Variants in PSD3 observed in about 807,000 individuals in gnomAD.
The protein encoded by PSD3 is pleckstrin and Sec7 domain containing 3.
In PSD3, 49 loss-of-function variants were observed where a neutral mutation model predicts 105.5. The ratio of observed to expected loss-of-function variants is 0.46; its 90% confidence interval spans 0.37 to 0.59. The LOEUF (loss-of-function observed/expected upper bound fraction) is 0.59, where lower values mean the gene tolerates loss of function less well. Among genes scored for constraint, PSD3 ranks in the 20% least tolerant of loss-of-function variants. The pLI, the probability that PSD3 is intolerant of heterozygous loss-of-function variation, is 0.00. For synonymous variants in PSD3, 557 were observed against 457.8 expected (o/e 1.22, Z -2.77); for missense variants, 1,561 against 1,263.8 (o/e 1.24, Z -3.57).
chr8:19,084,167 C>A (rs562615352), intron 1 of PSD3: 1 of 412,072 alleles, frequency 2.4e-6, no homozygotes, highest in Admixed American at 2.6e-5. Context: ...CCCCTGGCTC[C>A]CTTTCTTCTG....
chr8:18,955,049 T>C (rs59787157), intron 1 of PSD3, among the ~76,000 whole-genome samples: 31,195 of 152,162 alleles, frequency 0.21, 3,423 homozygotes, highest in African/African-American at 0.3. Flanking sequence ...GTTGTGGCAG[T>C]AGCAAATCAC....
chr8:18,897,151 T>C (rs1819206405), intron 2 of PSD3, among the ~76,000 whole-genome samples: 1 of 152,192 alleles, frequency 6.6e-6, no homozygotes, highest in Admixed American at 6.5e-5. Context: ...TAGGTTGATA[T>C]AATATCTCAT....
chr8:18,600,285 A>G (rs780847418), intron 12 of PSD3, 79 bp downstream of exon 12: 2 of 1,238,890 alleles, frequency 1.6e-6, no homozygotes, highest in Non-Finnish European at 2.3e-6. Flanking sequence ...GATAAGGGAG[A>G]CTACCGTACA....
At chr8:18,741,487 T>C (rs537110034) in intron 9 of PSD3, among the ~76,000 whole-genome samples, 43 of 152,214 alleles carry the variant, frequency 2.8e-4, no homozygotes, top group African/African-American at 1.0e-3. Context: ...AGAATTTCAG[T>C]GTGCAGGAAG....
At chr8:19,045,543 G>A (rs961707267) in intron 1 of PSD3, among the ~76,000 whole-genome samples, 2 of 152,236 alleles carry the variant, frequency 1.3e-5, no homozygotes, top group East Asian at 3.8e-4. Flanking sequence ...TCAGTAGCTG[G>A]TTTCTAGGAC....
intron 12 of PSD3, among the ~76,000 whole-genome samples, chr8:18,578,719 C>T (rs1329157874): frequency 7.0e-6 from 1 of 143,738 alleles, no homozygotes; most frequent in Non-Finnish European, 1.5e-5. Context: ...CATTCTTATG[C>T]TACTCTTAAA....
At chr8:18,807,542 C>T (rs557088407) in intron 4 of PSD3, among the ~76,000 whole-genome samples, 2 of 152,276 alleles carry the variant, frequency 1.3e-5, no homozygotes, top group East Asian at 3.9e-4. Context: ...CCCATGCTGG[C>T]TTATTTTGCC....
At chr8:18,727,273 G>T (rs1803394407) in intron 9 of PSD3, among the ~76,000 whole-genome samples, 1 of 147,512 alleles carries the variant, frequency 6.8e-6, no homozygotes, top group Non-Finnish European at 1.5e-5. Flanking sequence ...GGAGGCGGAG[G>T]TTGCAGTGAG....
rs889839036 is a variant in PSD3 at position 18,611,416 on chromosome 8, A to G, written c.2411-10982T>C. Among the ~76,000 whole-genome samples the G allele has an allele frequency of 2.0e-5, 3 of 152,176 alleles. No homozygotes were observed. The East Asian group carries it at 5.8e-4, about 29-fold the overall frequency. ...AGCCTAAGAACAACAGTTAAAACACATAATTTTTTATTTTTTAAGAGGACA... is the reference window on the plus strand; with the variant it reads ...AGCCTAAGAACAACAGTTAAAACACGTAATTTTTTATTTTTTAAGAGGACA... On this transcript the variant is annotated intron_variant, in intron 11 of 15. Transcript: ENST00000327040.
chr8:19,015,277 C>T (rs772705031), upstream of PSD3, among the ~76,000 whole-genome samples: 4 of 152,324 alleles, frequency 2.6e-5, no homozygotes, highest in Non-Finnish European at 5.9e-5. Flanking sequence ...CCTTGCTTTA[C>T]GCCATGATTG....
intron 4 of PSD3, chr8:18,854,240 T>A (rs1815823807): frequency 6.5e-6 from 1 of 152,894 alleles, no homozygotes; most frequent in African/African-American, 2.4e-5. Context: ...TACAAACTGC[T>A]ACACACTGAC....
chr8:18,589,479 T>C (rs2130480394), intron 12 of PSD3, among the ~76,000 whole-genome samples: 1 of 152,330 alleles, frequency 6.6e-6, no homozygotes, highest in South Asian at 2.1e-4. Flanking sequence ...CCAATATTCC[T>C]TACCTGATGT....
rs1324415007 is a variant in PSD3, at chr8:18,808,732, A to C, written c.1635-3834T>G. The C allele has an allele frequency of 1.9e-6, 3 of 1,613,972 alleles. No homozygotes were observed. The African/African-American group carries it at 4.0e-5, about 22-fold the overall frequency. On this transcript the variant is annotated intron_variant, in intron 4 of 15. Transcript: ENST00000327040. ...TCCTTTTAAATCAGAAAGCTTGACA[A>C]TATGATGGCAATATAAACTTACCAG...
At chr8:18,910,777 A>C (rs540699364) in intron 2 of PSD3, among the ~76,000 whole-genome samples, 1 of 152,040 alleles carries the variant, frequency 6.6e-6, no homozygotes, top group South Asian at 2.1e-4. Flanking sequence ...AAAATCATAT[A>C]GTTTAGTGGT....
At chr8:19,059,807 CCCAACCTG>C in intron 1 of PSD3, among the ~76,000 whole-genome samples, 1 of 152,196 alleles carries the variant, frequency 6.6e-6, no homozygotes, top group East Asian at 1.9e-4. Flanking sequence ...TTGCTTTTTT[CCCAACCTG>C]CCAGGGTGCC....
At chr8:18,563,408 G>C (rs1317713546) in intron 14 of PSD3, among the ~76,000 whole-genome samples, 1 of 152,096 alleles carries the variant, frequency 6.6e-6, no homozygotes, top group African/African-American at 2.4e-5. Flanking sequence ...CTGTCTTAAA[G>C]GAGACAGATG....
chr8:18,737,767 A>G (rs1804262757), intron 9 of PSD3, among the ~76,000 whole-genome samples: 1 of 152,146 alleles, frequency 6.6e-6, no homozygotes, highest in African/African-American at 2.4e-5. Flanking sequence ...TTCTAACTTT[A>G]AAGACATTAT....
intron 4 of PSD3, among the ~76,000 whole-genome samples, chr8:18,866,893 T>TACACACAC (rs34045400): frequency 6.8e-6 from 1 of 146,766 alleles, no homozygotes; most frequent in Non-Finnish European, 1.5e-5. Flanking sequence ...CATACATACA[T>TACACACAC]ACACACACAC....
In PSD3 at chr8:18,655,753, G is replaced by T; in HGVS notation, c.2173-68C>A. 4 of 1,456,176 alleles carry T rather than the reference G, an allele frequency of 2.7e-6. No homozygotes were observed. In the South Asian group the frequency reaches 4.6e-5, roughly 17 times the overall value. 90.2% of individuals were successfully genotyped at this position (1,456,176 alleles called of 1,614,324 possible). A position where few individuals can be genotyped will look rare whatever the true frequency, so the allele number is the denominator to read the frequency against. On this transcript the variant is annotated intron_variant, in intron 9 of 15. Coordinates refer to ENST00000327040, the MANE Select transcript of PSD3 (RefSeq NM_015310.4). ...GTTCCACATTTTGAATTCAGCAAAT[G>T]ACCAAGTAATTCCTTCATAAAAGGA...
Sources: gnomAD v4.1 joint callset for allele counts (sites outside exome capture counted in the v4.1 genomes callset) on GRCh38, gnomAD v4.1.1 for gene constraint, MANE v1.5 for transcripts, NCBI Gene and HGNC (gene_info 2026-07-23, HGNC 2026-07-21) for gene names.